The following TENM3 variants were observed in gnomAD, a reference collection of about 807,000 sequenced individuals.
TENM3 encodes the protein teneurin transmembrane protein 3.
In TENM3, 63 loss-of-function variants were observed where a neutral mutation model predicts 255.1. The observed-to-expected ratio is 0.25, with a 90% CI of 0.20 to 0.30. TENM3 has a LOEUF of 0.30. TENM3 is among the 10% of genes least tolerant of loss of function. The pLI is 1.00. For synonymous variants in TENM3, 1,306 were observed against 1,322.3 expected (o/e 0.99, Z 0.27); for missense variants, 2,929 against 3,461.1 (o/e 0.85, Z 3.86).
the TENM3 span, among the ~76,000 whole-genome samples, chr4:181,509,918 G>T: frequency 3.4e-3 from 514 of 152,326 alleles, no homozygotes; most frequent in African/African-American, 0.012. Context: ...GAGCATCAGA[G>T]TTAGAGAGTA....
the TENM3 span, among the ~76,000 whole-genome samples, chr4:182,022,377 A>G: frequency 6.6e-6 from 1 of 152,236 alleles, no homozygotes; most frequent in East Asian, 1.9e-4. Flanking sequence ...GAAACAACAG[A>G]CACTGGGCAT....
the TENM3 span, among the ~76,000 whole-genome samples, chr4:181,824,542 C>T: frequency 1.3e-5 from 2 of 151,996 alleles, no homozygotes; most frequent in African/African-American, 2.4e-5. Context: ...ACGTCTAAAA[C>T]CAGAAAAGTA....
At chr4:181,906,000 C>A in the TENM3 span, 1 of 490,990 alleles carries the variant, frequency 2.0e-6, no homozygotes. Flanking sequence ...ATTTCTCATG[C>A]TTTTCATTAT....
At chr4:181,855,969 A>G in the TENM3 span, among the ~76,000 whole-genome samples, 4 of 142,408 alleles carry the variant, frequency 2.8e-5, no homozygotes, top group African/African-American at 1.0e-4. Context: ...AAAAGGAGGA[A>G]GGAAAAGAGG....
At chr4:181,574,877 T>G in the TENM3 span, among the ~76,000 whole-genome samples, 2 of 152,084 alleles carry the variant, frequency 1.3e-5, no homozygotes, top group Non-Finnish European at 2.9e-5. Flanking sequence ...ATTGAGAGAT[T>G]AGGTCAATAA....
chr4:181,839,314 A>G, the TENM3 span, among the ~76,000 whole-genome samples: 24 of 138,198 alleles, frequency 1.7e-4, no homozygotes, highest in African/African-American at 5.3e-4. Context: ...CTCTGTCTGT[A>G]TGGGTGTCTA....
At position 182,201,679 on chromosome 4, in the gene TENM3, C is replaced by T. The variant is rs531249414; in HGVS notation, c.-76+56925C>T. ...TTATTCCCATGGCAGGGTGGGGGGT[C>T]TGGAAAGGCAAGCAGAGCTACTGGA... On this transcript the variant is annotated intron_variant, in intron 1 of 2. Transcript: ENST00000512480. Among the ~76,000 whole-genome samples the T allele has an allele frequency of 2.0e-5, 3 of 152,048 alleles. No homozygotes were observed. In the South Asian group the frequency reaches 6.2e-4, roughly 32 times the overall value.
chr4:181,600,738 A>G, the TENM3 span, among the ~76,000 whole-genome samples: 1 of 151,146 alleles, frequency 6.6e-6, no homozygotes, highest in African/African-American at 2.4e-5. Context: ...TCACATTCAG[A>G]CAGGCATCCT....
intron 7 of TENM3, among the ~76,000 whole-genome samples, chr4:182,676,883 C>T (rs144696554): frequency 1.8e-4 from 28 of 152,138 alleles, no homozygotes; most frequent in African/African-American, 6.3e-4. Flanking sequence ...TTATATGAAA[C>T]CTGTATCAAG....
rs982429065 is a variant in TENM3, at chr4:182,688,142, T to G, written c.2036-24T>G. The G allele has an allele frequency of 7.0e-6, 11 of 1,565,682 alleles. No homozygotes were observed. In the Admixed American group the frequency reaches 1.1e-4, roughly 15 times the overall value. The stretch of plus-strand genomic sequence containing the variant: ...TCTCCCGCCACTCTTCTCTCCTGTT[T>G]TGTGTCCTCTTCCTCCCACATAGAA... On this transcript the variant is annotated intron_variant, in intron 11 of 27. Coordinates refer to ENST00000511685, the MANE Select transcript of TENM3 (RefSeq NM_001080477.4).
At chr4:182,319,309 C>G (rs990856552) in intron 1 of TENM3, among the ~76,000 whole-genome samples, 1 of 152,174 alleles carries the variant, frequency 6.6e-6, no homozygotes, top group South Asian at 2.1e-4. Context: ...CGTCTTCAGC[C>G]TTGAGTGGAA....
Position 182,680,534 on chromosome 4 carries a change from G to T in TENM3, c.1640-9G>T. 6.2e-7 allele frequency: 1 copy of T among 1,611,366 alleles called. No homozygotes were observed. Among genetic ancestry groups the T allele is most frequent in the Non-Finnish European group, 8.5e-7 (1 of 1,179,306 alleles). ...GGCTGTAATTCTTCTGTCGTGTCTT[G>T]TTTCACAGCCGCCTGTCCAGTGTTA... On this transcript the variant is annotated splice_polypyrimidine_tract_variant and intron_variant, in intron 9 of 27. Transcript: ENST00000511685.
intron 12 of TENM3, among the ~76,000 whole-genome samples, chr4:182,706,021 T>G (rs1201081188): frequency 6.6e-6 from 1 of 152,216 alleles, no homozygotes; most frequent in Non-Finnish European, 1.5e-5. Flanking sequence ...CATTCGGGTT[T>G]TAAGCTTATT....
At chr4:182,260,728 T>C (rs773429792) in intron 1 of TENM3, among the ~76,000 whole-genome samples, 2 of 152,214 alleles carry the variant, frequency 1.3e-5, no homozygotes, top group Non-Finnish European at 2.9e-5. Context: ...TATTCTTACA[T>C]GTTATCTACA....
At chr4:181,984,679 G>C in the TENM3 span, among the ~76,000 whole-genome samples, 2 of 152,048 alleles carry the variant, frequency 1.3e-5, no homozygotes, top group African/African-American at 4.8e-5. Flanking sequence ...GTAAATTATA[G>C]AGTAACAATA....
rs988675587 is a variant in TENM3, at chr4:182,793,846, C to G, written c.7174C>G (p.Pro2392Ala). The stretch of plus-strand genomic sequence containing the variant: ...CTTGTACATGTTTAGGAATAACAAC[C>G]CTGCAAGCAAAATCCATGACGTGAA... ...FNLYMFRNNN[P>A]ASKIHDVKDY... Residue 2392 changes from proline (P) to alanine (A), a missense_variant, in exon 26 of 28, where the codon CCT (proline) becomes GCT (alanine). Pro to Ala is a conservative substitution (Grantham distance 27, BLOSUM62 -1). Transcript: ENST00000511685. The surrounding 1 kb of genome is among the most constrained non-coding windows in gnomAD (Gnocchi z 5.7). The G allele has an allele frequency of 1.2e-6, 2 of 1,611,974 alleles. No individual in the cohort carries two copies. Among genetic ancestry groups the G allele is most frequent in the Non-Finnish European group, 1.7e-6 (2 of 1,178,846 alleles).
the TENM3 span, among the ~76,000 whole-genome samples, chr4:181,983,675 A>G: frequency 2.0e-5 from 3 of 152,132 alleles, no homozygotes; most frequent in Non-Finnish European, 4.4e-5. Flanking sequence ...TCTGTTATGC[A>G]TCAACCATAT....
the TENM3 span, among the ~76,000 whole-genome samples, chr4:181,490,702 TATA>T: frequency 3.9e-5 from 6 of 152,308 alleles, no homozygotes; most frequent in South Asian, 8.3e-4. Flanking sequence ...TGGTAAGAAT[TATA>T]ATAATGTCAG....
the TENM3 span, among the ~76,000 whole-genome samples, chr4:182,036,722 A>G: frequency 3.3e-5 from 5 of 152,210 alleles, no homozygotes; most frequent in Admixed American, 6.5e-5. Context: ...AGGAACCGCT[A>G]CTCTTGCTTT....
Sources: gnomAD v4.1 joint callset for allele counts (sites outside exome capture counted in the v4.1 genomes callset) on GRCh38, gnomAD v4.1.1 for gene constraint, Gnocchi (gnomAD v3.1) non-coding constraint, MANE v1.5 for transcripts, NCBI Gene and HGNC (gene_info 2026-07-23, HGNC 2026-07-21) for gene names.